Variants in TLN2 observed in about 807,000 individuals in gnomAD.
TLN2 encodes the protein talin-2.
TLN2 carries 118 observed loss-of-function variants against 294.7 expected under a neutral mutation model. The observed-to-expected ratio is 0.40, with a 90% CI of 0.34 to 0.47. The LOEUF is 0.47. Among genes scored for constraint, TLN2 ranks in the 20% least tolerant of loss-of-function variants. The pLI is 0.84. For missense variants in TLN2, 3,083 were observed against 3,282.2 expected, an observed-to-expected ratio of 0.94 and a Z score of 1.48; for synonymous variants, 1,431 against 1,304.5, an observed-to-expected ratio of 1.10 and a Z score of -2.09.
intron 3 of TLN2, among the ~76,000 whole-genome samples, chr15:62,622,602 A>G (rs1418895872): frequency 6.6e-6 from 1 of 152,224 alleles, no homozygotes; most frequent in East Asian, 1.9e-4. Context: ...ATTTTTTTAC[A>G]TGTATTTACT....
intron 18 of TLN2, 42 bp from the exon 19 acceptor site, chr15:62,702,724 A>C: frequency 2.7e-5 from 43 of 1,574,424 alleles, no homozygotes; most frequent in Non-Finnish European, 3.7e-5. Context: ...CACTGGAGGA[A>C]ATGCGTTTTC....
chr15:62,469,834 A>G (rs1026606690), intron 1 of TLN2, among the ~76,000 whole-genome samples: 1 of 151,854 alleles, frequency 6.6e-6, no homozygotes, highest in Admixed American at 6.6e-5. Context: ...TACAGAACCC[A>G]CTCCTCAATA....
At chr15:62,828,011 A>G (rs1166247239) in intron 54 of TLN2, 1 of 152,282 alleles carries the variant, frequency 6.6e-6, no homozygotes, top group African/African-American at 2.4e-5. Flanking sequence ...TTCCCCTACC[A>G]CCACCATTTC....
chr15:62,545,644 C>G (rs553956906), intron 1 of TLN2, among the ~76,000 whole-genome samples: 2 of 152,026 alleles, frequency 1.3e-5, no homozygotes, highest in African/African-American at 4.8e-5. Flanking sequence ...TTTTTATGCT[C>G]AAGTGAATCA....
chr15:62,450,551 G>GTA (rs1566981120), intron 1 of TLN2, among the ~76,000 whole-genome samples: 1,986 of 35,302 alleles, frequency 0.056, 10 homozygotes, highest in Admixed American at 0.082. Context: ...GTATGTATGT[G>GTA]TGTGTGTGTG....
In TLN2 at chr15:62,519,092, C is replaced by G. The variant is rs552519951; in HGVS notation, c.-237-70595C>G. Among the ~76,000 whole-genome samples, 17 of 152,320 alleles carry G rather than the reference C, an allele frequency of 1.1e-4. No homozygotes were observed. The South Asian group carries it at 1.5e-3, about 13-fold the overall frequency. Reference sequence around the variant, plus strand: ...AACTGAAGTTTAAGTGGTTAAGCAACTTGCCCAGGGTCATAGACCTCTATG... The same window carrying G: ...AACTGAAGTTTAAGTGGTTAAGCAAGTTGCCCAGGGTCATAGACCTCTATG... On this transcript the variant is annotated intron_variant, in intron 1 of 58. Transcript: ENST00000636159.
chr15:62,652,385 CAT>C (rs1265297995), intron 6 of TLN2, among the ~76,000 whole-genome samples: 3 of 152,162 alleles, frequency 2.0e-5, no homozygotes, highest in Non-Finnish European at 4.4e-5. Flanking sequence ...AATGGAAAGT[CAT>C]GTGTAATTCA....
chr15:62,518,012 A>G (rs1371878117), intron 1 of TLN2, among the ~76,000 whole-genome samples: 1 of 151,896 alleles, frequency 6.6e-6, no homozygotes, highest in Non-Finnish European at 1.5e-5. Context: ...CTGAGCACAT[A>G]GTAAATGCTC....
intron 1 of TLN2, among the ~76,000 whole-genome samples, chr15:62,462,431 A>G (rs1023433353): frequency 6.6e-6 from 1 of 152,144 alleles, no homozygotes; most frequent in African/African-American, 2.4e-5. Context: ...CACTTGAGGA[A>G]ACTGGCTGGA....
chr15:62,461,544 T>C (rs2036806633), intron 1 of TLN2, among the ~76,000 whole-genome samples: 1 of 152,250 alleles, frequency 6.6e-6, no homozygotes, highest in African/African-American at 2.4e-5. Flanking sequence ...TAGATGTGTT[T>C]GCTTTGCTTT....
chr15:62,491,342 A>G (rs2038699336), intron 1 of TLN2, among the ~76,000 whole-genome samples: 1 of 100,060 alleles, frequency 1.0e-5, no homozygotes, highest in Non-Finnish European at 2.0e-5. Context: ...AAAAAAATAT[A>G]TATATATATA....
At chr15:62,605,611 C>A (rs2047366658) in intron 2 of TLN2, among the ~76,000 whole-genome samples, 1 of 149,454 alleles carries the variant, frequency 6.7e-6, no homozygotes, top group Admixed American at 6.8e-5. Context: ...AATTGAGAAT[C>A]CGGTACTTGA....
At chr15:62,442,446 A>G (rs998086359) in intron 1 of TLN2, among the ~76,000 whole-genome samples, 2 of 142,898 alleles carry the variant, frequency 1.4e-5, no homozygotes, top group African/African-American at 5.2e-5. Flanking sequence ...GTGAGCCGAG[A>G]CTACGCAGTT....
intron 12 of TLN2, among the ~76,000 whole-genome samples, chr15:62,690,072 A>C (rs1215241431): frequency 1.7e-4 from 16 of 93,376 alleles, no homozygotes; most frequent in African/African-American, 4.1e-4. Flanking sequence ...CACCTCCCGG[A>C]CGGGGCGGCC....
intron 1 of TLN2, among the ~76,000 whole-genome samples, chr15:62,426,883 G>A (rs1016720004): frequency 1.3e-5 from 2 of 152,184 alleles, no homozygotes; most frequent in Admixed American, 1.3e-4. Flanking sequence ...TTCTGTGCTT[G>A]TTAAAATGGC....
intron 58 of TLN2, 132 bp downstream of exon 58, chr15:62,839,113 T>A: frequency 7.7e-7 from 1 of 1,291,564 alleles, no homozygotes; most frequent in Non-Finnish European, 1.1e-6. Context: ...TGGTGTTTCC[T>A]TCATGTCTGA....
At chr15:62,451,031 A>T (rs2036111426) in intron 1 of TLN2, among the ~76,000 whole-genome samples, 1 of 149,862 alleles carries the variant, frequency 6.7e-6, no homozygotes, top group African/African-American at 2.5e-5. Context: ...GCTGGTCTTG[A>T]ACTCCTGGCC....
In TLN2 at chr15:62,810,076, T is replaced by G. The variant is rs373929185; in HGVS notation, c.6771+44T>G. ...CAGGGCTGGGGAGTAGCTGTGTCCC[T>G]CTAGCTGTCCTGGCTGATTCAAACT... On this transcript the variant is annotated intron_variant, in intron 52 of 58. Transcript: ENST00000636159. 2.0e-4 allele frequency: 296 copies of G among 1,502,232 alleles called. No homozygotes were observed. In the African/African-American group the frequency reaches 3.3e-3, roughly 17 times the overall value. The allele number at this position is 1,502,232 out of a possible 1,614,324, so 93.1% of individuals were successfully genotyped here.
chr15:62,651,625 G>A (rs1402880661), intron 5 of TLN2, among the ~76,000 whole-genome samples: 6 of 152,180 alleles, frequency 3.9e-5, no homozygotes, highest in Non-Finnish European at 5.9e-5. Context: ...GGGAAGAAAT[G>A]CAGGTATGTT....
Sources: gnomAD v4.1 joint callset for allele counts (sites outside exome capture counted in the v4.1 genomes callset) on GRCh38, gnomAD v4.1.1 for gene constraint, MANE v1.5 for transcripts, NCBI Gene and HGNC (gene_info 2026-07-23, HGNC 2026-07-21) for gene names.